Variants in C10orf90 observed in about 807,000 individuals in gnomAD.
The protein encoded by C10orf90 is chromosome 10 open reading frame 90.
In C10orf90, 56 loss-of-function variants were observed where a neutral mutation model predicts 62.5. The ratio of observed to expected loss-of-function variants is 0.90; its 90% CI spans 0.72 to 1.12. The LOEUF (loss-of-function observed/expected upper bound fraction) is 1.12. C10orf90 is among the 50% of genes most tolerant of loss of function. C10orf90 has a pLI of 0.00. For synonymous variants in C10orf90, 386 were observed against 340.4 expected (o/e 1.13, Z -1.47); for missense variants, 970 against 880.4 (o/e 1.10, Z -1.29).
intron 1 of C10orf90, among the ~76,000 whole-genome samples, chr10:126,648,907 T>A (rs1295267270): frequency 6.6e-6 from 1 of 152,174 alleles, no homozygotes; most frequent in Non-Finnish European, 1.5e-5. Flanking sequence ...AGAATTAATT[T>A]TCACTTGAAA....
At chr10:126,635,659 C>T (rs944390512) in intron 2 of C10orf90, among the ~76,000 whole-genome samples, 4 of 152,198 alleles carry the variant, frequency 2.6e-5, no homozygotes, top group African/African-American at 7.2e-5. Flanking sequence ...CCCAGACCTG[C>T]GGACAGTAGT....
chr10:126,543,625 A>G (rs1864425219), intron 2 of C10orf90, among the ~76,000 whole-genome samples: 1 of 152,220 alleles, frequency 6.6e-6, no homozygotes, highest in Non-Finnish European at 1.5e-5. Flanking sequence ...CCAATGGCTC[A>G]TGGTGGAGAC....
chr10:126,630,554 G>T (rs1013243448), intron 2 of C10orf90, among the ~76,000 whole-genome samples: 54 of 152,134 alleles, frequency 3.5e-4, no homozygotes, highest in African/African-American at 1.3e-3. Flanking sequence ...AAGTCCGTCT[G>T]ATAGACGCTC....
At position 126,597,394 on chromosome 10, in the gene C10orf90, T is replaced by C. The variant is rs374248491; in HGVS notation, c.313+49171A>G. Among the ~76,000 whole-genome samples, 8 of 152,328 alleles carry C rather than the reference T, an allele frequency of 5.3e-5. No individual in the cohort carries two copies. In the South Asian group the frequency reaches 1.2e-3, roughly 24 times the overall value. On this transcript the variant is annotated intron_variant, in intron 2 of 9. Transcript: ENST00000488181. ...CCTAGAGGCGAGATAGCACATGGTGTGCTTGAGGAGCTGCGTGATTGGGGC... is the reference window on the plus strand; with the variant it reads ...CCTAGAGGCGAGATAGCACATGGTGCGCTTGAGGAGCTGCGTGATTGGGGC...
chr10:126,479,636 G>A (rs1861069108), intron 4 of C10orf90, among the ~76,000 whole-genome samples: 1 of 152,212 alleles, frequency 6.6e-6, no homozygotes, highest in South Asian at 2.1e-4. Context: ...CAGGCCTGCT[G>A]TTATTTATAC....
intron 2 of C10orf90, chr10:126,524,893 C>T (rs1591068400): frequency 2.2e-6 from 2 of 920,362 alleles, no homozygotes; most frequent in Middle Eastern, 5.5e-4. Flanking sequence ...TCACTATGTA[C>T]TCCCTCCTTT....
intron 1 of C10orf90, among the ~76,000 whole-genome samples, chr10:126,655,834 C>CAAAAAA (rs1195360598): frequency 6.3e-5 from 8 of 126,504 alleles, no homozygotes; most frequent in African/African-American, 1.4e-4. Context: ...CAAAACAAAA[C>CAAAAAA]AAAACAAAAA....
intron 4 of C10orf90, among the ~76,000 whole-genome samples, chr10:126,467,062 G>A (rs1860327232): frequency 6.6e-6 from 1 of 152,214 alleles, no homozygotes; most frequent in African/African-American, 2.4e-5. Context: ...CCATCCTGGA[G>A]TATGATTTTT....
chr10:126,474,043 G>A (rs979716314), intron 4 of C10orf90, among the ~76,000 whole-genome samples: 21 of 152,166 alleles, frequency 1.4e-4, no homozygotes, highest in Non-Finnish European at 2.8e-4. Context: ...CAGTAGCATT[G>A]ATCATGCCCA....
chr10:126,625,330 T>C (rs1428666599), intron 2 of C10orf90, among the ~76,000 whole-genome samples: 1 of 152,170 alleles, frequency 6.6e-6, no homozygotes, highest in East Asian at 1.9e-4. Flanking sequence ...TGTAGAAATA[T>C]GTCCATTAGC....
chr10:126,467,340 C>T (rs142032612), intron 4 of C10orf90, among the ~76,000 whole-genome samples: 34 of 152,338 alleles, frequency 2.2e-4, no homozygotes, highest in African/African-American at 7.5e-4. Flanking sequence ...CATTCTGAAA[C>T]GTACAATCGT....
intron 2 of C10orf90, among the ~76,000 whole-genome samples, chr10:126,526,434 T>C (rs1164290740): frequency 1.3e-5 from 2 of 151,926 alleles, no homozygotes; most frequent in Non-Finnish European, 2.9e-5. Context: ...TTAGTAGAGA[T>C]GGGGTTTCAC....
chr10:126,627,441 C>A (rs553486210), intron 2 of C10orf90, among the ~76,000 whole-genome samples: 2 of 151,988 alleles, frequency 1.3e-5, no homozygotes, highest in South Asian at 2.1e-4. Context: ...AGGAGTGAGG[C>A]CTACAGGGAA....
At chr10:126,602,910 G>A (rs1845227335) in intron 2 of C10orf90, among the ~76,000 whole-genome samples, 1 of 152,016 alleles carries the variant, frequency 6.6e-6, no homozygotes, top group African/African-American at 2.4e-5. Flanking sequence ...ATCAGAATAT[G>A]AGTAATGCAG....
At chr10:126,537,839 A>C (rs939514144) in intron 2 of C10orf90, among the ~76,000 whole-genome samples, 1 of 152,204 alleles carries the variant, frequency 6.6e-6, no homozygotes, top group African/African-American at 2.4e-5. Context: ...CCTAACCCCC[A>C]GTACCTCAGA....
intron 1 of C10orf90, among the ~76,000 whole-genome samples, chr10:126,648,900 A>G (rs1664590375): frequency 6.6e-6 from 1 of 152,228 alleles, no homozygotes; most frequent in South Asian, 2.1e-4. Context: ...ACAACACAGA[A>G]TTAATTTTCA....
intron 2 of C10orf90, among the ~76,000 whole-genome samples, chr10:126,588,797 TCTC>T (rs1844924910): frequency 6.6e-6 from 1 of 152,110 alleles, no homozygotes; most frequent in Non-Finnish European, 1.5e-5. Context: ...GAGTGCCTCT[TCTC>T]CTCCAATTGA....
chr10:126,530,483 A>G (rs866373092), intron 2 of C10orf90, among the ~76,000 whole-genome samples: 2 of 152,288 alleles, frequency 1.3e-5, no homozygotes, highest in Middle Eastern at 3.4e-3. Flanking sequence ...CTTAGAAAAA[A>G]ATATACAAAT....
intron 2 of C10orf90, among the ~76,000 whole-genome samples, chr10:126,569,165 C>T (rs1243493785): frequency 6.6e-6 from 1 of 152,160 alleles, no homozygotes; most frequent in African/African-American, 2.4e-5. Context: ...CCTCTAATTC[C>T]AAGCGTGGCT....
Sources: allele counts gnomAD v4.1 joint callset (sites outside exome capture counted in the v4.1 genomes callset), GRCh38; gene constraint gnomAD v4.1.1; transcripts MANE v1.5; gene names NCBI Gene and HGNC (gene_info 2026-07-23, HGNC 2026-07-21).